The following DNTTIP2 variants were observed in gnomAD, a reference collection of about 807,000 sequenced individuals.
The protein encoded by DNTTIP2 is deoxynucleotidyltransferase terminal-interacting protein 2.
In DNTTIP2, 47 loss-of-function variants were observed where a neutral mutation model predicts 62.4. The observed-to-expected ratio is 0.75, with a 90% CI of 0.60 to 0.96. The LOEUF is 0.96. Among genes scored for constraint, DNTTIP2 ranks in the 40% least tolerant of loss-of-function variants. DNTTIP2 has a pLI of 0.00. For missense variants in DNTTIP2, 870 were observed against 849.1 expected (o/e 1.02, Z -0.31); for synonymous variants, 322 against 300.9 (o/e 1.07, Z -0.73).
chr1:93,879,178 T>G lies in DNTTIP2; in HGVS notation c.-30A>C. 8 of 1,607,728 alleles carry G rather than the reference T, an allele frequency of 5.0e-6. No homozygotes were observed. Among genetic ancestry groups the G allele is most frequent in the Non-Finnish European group, 6.8e-6 (8 of 1,178,176 alleles). Reference sequence around the variant, plus strand: ...CCGGCTCCCTCGCGACCACCACGACTTCCCTCTTCCCTGGCGCTCCGGAAA... The same window carrying G: ...CCGGCTCCCTCGCGACCACCACGACGTCCCTCTTCCCTGGCGCTCCGGAAA... On this transcript the variant is annotated 5_prime_UTR_variant, in exon 1 of 7. Transcript: ENST00000436063.
At position 93,867,695 on chromosome 1, in the gene DNTTIP2, C is replaced by A. The variant is rs1454584134; in HGVS notation, c.*2156G>T. 1.3e-5 allele frequency: 2 copies of A among 152,058 alleles called. No individual in the cohort carries two copies. The highest frequency in any genetic ancestry group is 2.9e-5 in the Non-Finnish European group (2 of 68,012). 9.4% of individuals were successfully genotyped at this position (152,058 alleles called of 1,614,324 possible). ...TTAAAAAGCAAAACATAACTTCATCCATTATTTAAATATCCAGGTATTTGT... is the reference window on the plus strand; with the variant it reads ...TTAAAAAGCAAAACATAACTTCATCAATTATTTAAATATCCAGGTATTTGT... On this transcript the variant is annotated 3_prime_UTR_variant, in exon 7 of 7. Transcript: ENST00000436063.
At position 93,872,072 on chromosome 1, in the gene DNTTIP2, C is replaced by T. The variant is rs1313920986; in HGVS notation, c.2067G>A (p.Gln689=). The T allele has an allele frequency of 1.9e-6, 3 of 1,613,636 alleles. No individual in the cohort carries two copies. The highest frequency in any genetic ancestry group is 2.2e-5 in the South Asian group (2 of 91,052). The part of the protein sequence containing the change: ...NDRDGFPKYF[Q]IGTIVDNPAD... ...CACCACTATTCTGTTTGCTTCATAC[C>T]TGGAAGTACTTGGGGAAGCCATCTC... The change falls in exon 5 of 7, where the codon CAG becomes CAA. Residue 689 remains glutamine (Q), a splice_region_variant and synonymous_variant. Coordinates refer to ENST00000436063, the MANE Select transcript of DNTTIP2 (RefSeq NM_014597.5).
At position 93,868,972 on chromosome 1, in the gene DNTTIP2, A is replaced by AC. The variant is rs1372476831; in HGVS notation, c.*878dup. The AC allele has an allele frequency of 1.6e-5, 2 of 128,286 alleles. No individual in the cohort carries two copies. The highest frequency in any genetic ancestry group is 3.5e-5 in the Non-Finnish European group (2 of 57,322). The allele number at this position is 128,286 out of a possible 1,614,324, so 7.9% of individuals were successfully genotyped here. A position where few individuals can be genotyped will look rare whatever the true frequency, so the allele number is the denominator to read the frequency against. On this transcript the variant is annotated 3_prime_UTR_variant, in exon 7 of 7. Coordinates refer to ENST00000436063, the MANE Select transcript of DNTTIP2 (RefSeq NM_014597.5). Reference sequence around the variant, plus strand: ...TGTAACCTGCATGTTCTACACATGTACCCCAAAACTATTATTAAAAAAAAA... The same window carrying AC: ...TGTAACCTGCATGTTCTACACATGTACCCCCAAAACTATTATTAAAAAAAAA...
chr1:93,874,614 T>G (rs548835457), intron 3 of DNTTIP2, among the ~76,000 whole-genome samples: 1 of 152,050 alleles, frequency 6.6e-6, no homozygotes, highest in African/African-American at 2.4e-5. Flanking sequence ...GAGAGGTACT[T>G]TGAAGGATTC....
Position 93,869,782 on chromosome 1 carries a change from A to AG in DNTTIP2, c.*68dup. On this transcript the variant is annotated 3_prime_UTR_variant, in exon 7 of 7. Transcript: ENST00000436063. ...GTAAATTAATTTAGATGATGGTGTT[A>AG]GTTTTCCAAACGTCTTTAATAAGTA... 2.7e-6 allele frequency: 2 copies of AG among 730,194 alleles called. No homozygotes were observed. The highest frequency in any genetic ancestry group is 5.1e-6 in the Non-Finnish European group (2 of 390,194). 45.2% of individuals were successfully genotyped at this position (730,194 alleles called of 1,614,324 possible).
rs188843224 is a variant in DNTTIP2, at chr1:93,875,799, T to C, written c.1668-16A>G. On this transcript the variant is annotated splice_polypyrimidine_tract_variant and intron_variant, in intron 2 of 6. Transcript: ENST00000436063. ...CAACTTCAGACTGAAAAAGAAATCA[T>C]CACTTAAAGATCAAGTAATTAAATC... is the stretch of plus-strand genomic sequence containing the variant. The C allele has an allele frequency of 2.3e-4, 376 of 1,600,212 alleles. 5 individuals are homozygous for C. The East Asian group carries it at 7.1e-3, about 30-fold the overall frequency.
chr1:93,875,000 G>T (rs4847264), intron 3 of DNTTIP2, among the ~76,000 whole-genome samples: 71,229 of 151,922 alleles, frequency 0.47, 17,007 homozygotes, highest in East Asian at 0.62. Flanking sequence ...GGAAAAGAGA[G>T]TTTGGTTTCA....
rs890700649 is a variant in DNTTIP2 at position 93,869,280 on chromosome 1, CCT to C, written c.*569_*570del. On this transcript the variant is annotated 3_prime_UTR_variant, in exon 7 of 7. Coordinates refer to ENST00000436063, the MANE Select transcript of DNTTIP2 (RefSeq NM_014597.5). ...TCTAGATAAAAACCAATTATTCCTCCCTGTTTCAGTTGCCAAGCAAGGAAAAC... is the reference window on the plus strand; with the variant it reads ...TCTAGATAAAAACCAATTATTCCTCCGTTTCAGTTGCCAAGCAAGGAAAAC... 8 of 152,196 alleles carry C rather than the reference CCT, an allele frequency of 5.3e-5. No individual in the cohort carries two copies. Among genetic ancestry groups the C allele is most frequent in the Non-Finnish European group, 7.3e-5 (5 of 68,050 alleles). 9.4% of individuals were successfully genotyped at this position (152,196 alleles called of 1,614,324 possible). A position where few individuals can be genotyped will look rare whatever the true frequency, so the allele number is the denominator to read the frequency against.
intron 4 of DNTTIP2, among the ~76,000 whole-genome samples, chr1:93,872,888 T>TATA (rs201279787): frequency 3.3e-4 from 50 of 151,200 alleles, no homozygotes; most frequent in African/African-American, 1.1e-3. Flanking sequence ...ATATATATAT[T>TATA]TTTTTAAAAA....
In DNTTIP2 at chr1:93,877,196, A is replaced by G. The variant is rs745852302; in HGVS notation, c.739T>C (p.Leu247=). 1.4e-5 allele frequency: 22 copies of G among 1,613,794 alleles called. No individual in the cohort carries two copies. The highest frequency in any genetic ancestry group is 3.3e-5 in the Admixed American group (2 of 60,020). Residue 247 remains leucine (L), a synonymous_variant, in exon 2 of 7, where the codon TTA becomes CTA. Transcript: ENST00000436063. The part of the protein sequence containing the change: ...EDSDTRQTSH[L]QARSLSEINK... Reference sequence around the variant, plus strand: ...ATCTCAGAAAGAGATCTTGCTTGTAAATGGGAAGTTTGTCTGGTATCTGAA... The same window carrying G: ...ATCTCAGAAAGAGATCTTGCTTGTAGATGGGAAGTTTGTCTGGTATCTGAA...
In DNTTIP2 at chr1:93,876,713, CACTT is replaced by C; in HGVS notation, c.1218_1221del (p.Ile406MetfsTer6). The C allele has an allele frequency of 6.2e-7, 1 of 1,613,990 alleles. No homozygotes were observed. Among genetic ancestry groups the C allele is most frequent in the Non-Finnish European group, 8.5e-7 (1 of 1,179,880 alleles). On this transcript the variant is annotated frameshift_variant, in exon 2 of 7. Transcript: ENST00000436063. LOFTEE classifies it high-confidence loss of function. ...CCTTCACTGTTCATGTCTTCACTGA[CACTT>C]ATAACTGTGGACTCTTCTTCATCAT...
rs772161535 is a variant in DNTTIP2 at position 93,868,272 on chromosome 1, A to C, written c.*1579T>G. On this transcript the variant is annotated 3_prime_UTR_variant, in exon 7 of 7. Transcript: ENST00000436063. ...GCTCATTATCACTGCTCATTAGAGA[A>C]ATGCAAATCAAAACCACAATGAGAT... is the stretch of plus-strand genomic sequence containing the variant. The C allele has an allele frequency of 2.0e-5, 3 of 152,230 alleles. No homozygotes were observed. Among genetic ancestry groups the C allele is most frequent in the Non-Finnish European group, 4.4e-5 (3 of 68,032 alleles). The allele number at this position is 152,230 out of a possible 1,614,324, so 9.4% of individuals were successfully genotyped here.
chr1:93,870,004 C>T lies in DNTTIP2; in HGVS notation c.2178-60G>A, dbSNP rs2273168. 5.3e-4 allele frequency: 387 copies of T among 728,396 alleles called. 1 individual carries two copies. The highest frequency in any genetic ancestry group is 3.9e-3 in the East Asian group (156 of 40,390). The allele number at this position is 728,396 out of a possible 1,614,324, so 45.1% of individuals were successfully genotyped here. A position where few individuals can be genotyped will look rare whatever the true frequency, so the allele number is the denominator to read the frequency against. ...TATCAGACATTAGAAGTTAATATAA[C>T]CTTAGGGTAAAAGTTGGGAATGGAG... On this transcript the variant is annotated intron_variant, in intron 6 of 6. Transcript: ENST00000436063.
chr1:93,871,295 T>A (rs952655448), intron 5 of DNTTIP2, among the ~76,000 whole-genome samples: 4 of 152,192 alleles, frequency 2.6e-5, no homozygotes, highest in African/African-American at 9.6e-5. Context: ...GTTCCTGCAG[T>A]GCAGAGCCTG....
chr1:93,869,124 T>TGCCAGAAACCA lies in DNTTIP2; in HGVS notation c.*716_*726dup, dbSNP rs1655791770. The stretch of plus-strand genomic sequence containing the variant: ...ACAGAAATGACCAACACTCCTTGGG[T>TGCCAGAAACCA]GCCAGAAACCAGCTTAGCCAGGGTG... On this transcript the variant is annotated 3_prime_UTR_variant, in exon 7 of 7. Transcript: ENST00000436063. The TGCCAGAAACCA allele has an allele frequency of 6.6e-6, 1 of 152,176 alleles. No homozygotes were observed. The highest frequency in any genetic ancestry group is 1.5e-5 in the Non-Finnish European group (1 of 68,036). The allele number at this position is 152,176 out of a possible 1,614,324, so 9.4% of individuals were successfully genotyped here.
rs766902672 is a variant in DNTTIP2, at chr1:93,877,016, T to C, written c.919A>G (p.Thr307Ala). Residue 307 changes from threonine (T) to alanine (A), a missense_variant, in exon 2 of 7, where the codon ACA (threonine) becomes GCA (alanine). By Grantham distance (58) the Thr-to-Ala change is moderately conservative. Transcript: ENST00000436063. ...TCATTAATTTCTTTCCCCTCATCTGTTATTCCATTGGCATCTTCATCCAAA... is the reference window on the plus strand; with the variant it reads ...TCATTAATTTCTTTCCCCTCATCTGCTATTCCATTGGCATCTTCATCCAAA... ...KDLDEDANGITDEGKEINEKS... is the reference protein window; with the variant it reads ...KDLDEDANGIADEGKEINEKS... The C allele has an allele frequency of 3.1e-6, 5 of 1,612,650 alleles. No individual in the cohort carries two copies. The South Asian group carries it at 4.4e-5, about 14-fold the overall frequency.
rs1358011374 is a variant in DNTTIP2 at position 93,875,544 on chromosome 1, C to G, written c.1806+101G>C. 5.0e-6 allele frequency: 6 copies of G among 1,209,812 alleles called. No individual in the cohort carries two copies. The East Asian group carries it at 1.5e-4, about 30-fold the overall frequency. The allele number at this position is 1,209,812 out of a possible 1,614,324, so 74.9% of individuals were successfully genotyped here. On this transcript the variant is annotated intron_variant, in intron 3 of 6. Coordinates refer to ENST00000436063, the MANE Select transcript of DNTTIP2 (RefSeq NM_014597.5). ...GAAGGAAAAAACTAACACATTAGGC[C>G]AATGTGGTTTCACTGTAGGAAAATT...
In DNTTIP2 at chr1:93,877,057, TTTG is replaced by T; in HGVS notation, c.875_877del (p.Thr292del). On this transcript the variant is annotated inframe_deletion, in exon 2 of 7. Transcript: ENST00000436063. ...TTCATCCAAATCCTTACAATTCTGT[TTTG>T]TTTCTTTAAGAGATTCAACATTGGC... The T allele has an allele frequency of 6.2e-7, 1 of 1,612,268 alleles. No individual in the cohort carries two copies. Among genetic ancestry groups the T allele is most frequent in the Non-Finnish European group, 8.5e-7 (1 of 1,179,830 alleles).
rs1266542931 is a variant in DNTTIP2, at chr1:93,879,102, G to A, written c.47C>T (p.Ala16Val). The change falls in exon 1 of 7, where the codon GCG becomes GTG. Residue 16 changes from alanine (A) to valine (V), a missense_variant. Physicochemically the swap from Ala to Val is moderately conservative, Grantham distance 64 (BLOSUM62 0). Transcript: ENST00000436063. Reference sequence around the variant, plus strand: ...CTTTTGCCCGGAACTTTCAGCCGACGCGGCTTGGATGCTGGCCTTAGCCCG... The same window carrying A: ...CTTTTGCCCGGAACTTTCAGCCGACACGGCTTGGATGCTGGCCTTAGCCCG... ...SARAKASIQA[A>V]SAESSGQKSF... is the part of the protein sequence containing the mutation. 2 of 1,613,746 alleles carry A rather than the reference G, an allele frequency of 1.2e-6. No homozygotes were observed. Among genetic ancestry groups the A allele is most frequent in the East Asian group, 2.2e-5 (1 of 44,880 alleles).
Sources: gnomAD v4.1 joint callset for allele counts (sites outside exome capture counted in the v4.1 genomes callset) on GRCh38, gnomAD v4.1.1 for gene constraint, MANE v1.5 for transcripts, NCBI Gene and HGNC (gene_info 2026-07-23, HGNC 2026-07-21) for gene names.